Variants in SHANK2 observed in about 807,000 individuals in gnomAD.
SHANK2 encodes SH3 and multiple ankyrin repeat domains 2.
In SHANK2, 43 loss-of-function variants were observed where a neutral mutation model predicts 133.7. The ratio of observed to expected loss-of-function variants is 0.32; its 90% CI spans 0.25 to 0.41. The LOEUF (loss-of-function observed/expected upper bound fraction) is 0.41. Among genes scored for constraint, SHANK2 ranks in the 10% least tolerant of loss-of-function variants. The pLI, the probability that SHANK2 is intolerant of heterozygous loss-of-function variation, is 1.00. For synonymous variants in SHANK2, 1,017 were observed against 952.8 expected, an observed-to-expected ratio of 1.07 and a Z score of -1.24; for missense variants, 1,994 against 2,235.8, an observed-to-expected ratio of 0.89 and a Z score of 2.18.
intron 14 of SHANK2, among the ~76,000 whole-genome samples, chr11:70,729,917 A>T (rs1446107960): frequency 6.8e-6 from 1 of 146,992 alleles, no homozygotes; most frequent in African/African-American, 2.5e-5. Flanking sequence ...AAAAAAAAAA[A>T]GCCGATAGGT....
intron 8 of SHANK2, among the ~76,000 whole-genome samples, chr11:71,084,259 C>T (rs963740619): frequency 6.6e-6 from 1 of 152,304 alleles, no homozygotes; most frequent in East Asian, 1.9e-4. Context: ...GCATAAGCCA[C>T]CGCACCCGGC....
At chr11:70,923,417 A>G (rs532833567) in intron 10 of SHANK2, among the ~76,000 whole-genome samples, 2 of 152,042 alleles carry the variant, frequency 1.3e-5, no homozygotes, top group African/African-American at 4.8e-5. Context: ...TAATTTTTGT[A>G]TCTTTAGTAG....
intron 17 of SHANK2, among the ~76,000 whole-genome samples, chr11:70,648,116 A>G (rs1367107145): frequency 6.6e-6 from 1 of 152,226 alleles, no homozygotes; most frequent in Non-Finnish European, 1.5e-5. Flanking sequence ...ATACGGATGA[A>G]CCTAAAGCAC....
intron 15 of SHANK2, among the ~76,000 whole-genome samples, chr11:70,682,355 C>G (rs1018763672): frequency 6.6e-6 from 1 of 152,166 alleles, no homozygotes; most frequent in East Asian, 1.9e-4. Context: ...TGGCGGAGCC[C>G]GCTGTGCCCC....
At chr11:70,910,915 C>T (rs563889378) in intron 10 of SHANK2, 41 of 447,790 alleles carry the variant, frequency 9.2e-5, no homozygotes, top group East Asian at 2.8e-4. Flanking sequence ...TGTGTGTGTG[C>T]GCGTGCATGT....
chr11:70,505,353 G>C (rs1048377033), intron 17 of SHANK2, among the ~76,000 whole-genome samples: 1 of 152,172 alleles, frequency 6.6e-6, no homozygotes, highest in South Asian at 2.1e-4. Context: ...ACACACGTGG[G>C]GGGGCACCGA....
intron 17 of SHANK2, among the ~76,000 whole-genome samples, chr11:70,649,611 C>T (rs2061315854): frequency 6.6e-6 from 1 of 152,102 alleles, no homozygotes; most frequent in Admixed American, 6.5e-5. Flanking sequence ...CTGCTGAGAA[C>T]ACTGGGAGGT....
At chr11:70,605,971 A>G (rs1007145169) in intron 17 of SHANK2, among the ~76,000 whole-genome samples, 5 of 152,134 alleles carry the variant, frequency 3.3e-5, no homozygotes, top group African/African-American at 1.2e-4. Context: ...TGGGGTAAAA[A>G]GATGGCATGA....
chr11:71,166,174 G>A (rs1305518304), intron 2 of SHANK2, among the ~76,000 whole-genome samples: 1 of 152,164 alleles, frequency 6.6e-6, no homozygotes, highest in Non-Finnish European at 1.5e-5. Context: ...ACCAAAGCAG[G>A]TGCCGTCCAG....
chr11:70,544,135 C>T (rs1469574564), intron 17 of SHANK2, among the ~76,000 whole-genome samples: 2 of 152,166 alleles, frequency 1.3e-5, no homozygotes, highest in African/African-American at 2.4e-5. Flanking sequence ...GAAAACCCAA[C>T]CCTGACCTCC....
At chr11:70,844,187 AGGCACC>A (rs1366674224) in intron 11 of SHANK2, among the ~76,000 whole-genome samples, 3 of 152,184 alleles carry the variant, frequency 2.0e-5, no homozygotes, top group East Asian at 1.9e-4. Flanking sequence ...TCCCTGCCAC[AGGCACC>A]CCTACAACAT....
chr11:70,523,892 C>T (rs1056861000), intron 17 of SHANK2, among the ~76,000 whole-genome samples: 1 of 152,154 alleles, frequency 6.6e-6, no homozygotes, highest in Non-Finnish European at 1.5e-5. Context: ...TTCAGCTGTC[C>T]TCCCTCCCCT....
At position 70,485,224 on chromosome 11, in the gene SHANK2, G is replaced by T; in HGVS notation, c.4979+90C>A. ...AGGCTTTACGAATTCCCCTCTTCGT[G>T]TCCGCTGGGGCTGCTACCCGAGGGC... On this transcript the variant is annotated intron_variant, in intron 25 of 25. Coordinates refer to ENST00000601538, the MANE Select transcript of SHANK2 (RefSeq NM_012309.5). The surrounding 1 kb of genome is among the most constrained non-coding windows in gnomAD (Gnocchi z 5.8). 1 of 1,110,120 alleles carries T rather than the reference G, an allele frequency of 9.0e-7. No individual in the cohort carries two copies. Among genetic ancestry groups the T allele is most frequent in the Non-Finnish European group, 1.4e-6 (1 of 733,582 alleles). The allele number at this position is 1,110,120 out of a possible 1,614,324, so 68.8% of individuals were successfully genotyped here.
At chr11:70,868,067 C>G (rs1471672057) in intron 11 of SHANK2, among the ~76,000 whole-genome samples, 1 of 152,256 alleles carries the variant, frequency 6.6e-6, no homozygotes, top group African/African-American at 2.4e-5. Flanking sequence ...ACCAAGGGCC[C>G]GGCGCTGGCA....
At position 71,061,591 on chromosome 11, in the gene SHANK2, C is replaced by G. The variant is rs1411290296; in HGVS notation, c.1030-5033G>C. Among the ~76,000 whole-genome samples, 3 of 152,150 alleles carry G rather than the reference C, an allele frequency of 2.0e-5. 1 individual carries two copies. The highest frequency in any genetic ancestry group is 4.4e-5 in the Non-Finnish European group (3 of 68,030). On this transcript the variant is annotated intron_variant, in intron 9 of 25. Coordinates refer to ENST00000601538, the MANE Select transcript of SHANK2 (RefSeq NM_012309.5). ...CACTGTCAATGACACAGGTGGGGGT[C>G]TCCTTCCACCCCCAGCAATGCCCTT...
chr11:71,082,412 C>T (rs930535055), intron 8 of SHANK2, among the ~76,000 whole-genome samples: 2 of 152,196 alleles, frequency 1.3e-5, no homozygotes, highest in Admixed American at 6.5e-5. Context: ...CACCTGGACA[C>T]GGTGGGTACC....
chr11:70,605,948 T>C lies in SHANK2; in HGVS notation c.2061+53880A>G, dbSNP rs938214453. 7.5e-4 allele frequency among the ~76,000 whole-genome samples: 112 copies of C among 149,890 alleles called. 1 individual carries two copies. Among genetic ancestry groups the C allele is most frequent in the African/African-American group, 2.6e-3 (105 of 40,642 alleles). On this transcript the variant is annotated intron_variant, in intron 17 of 25. Coordinates refer to ENST00000601538, the MANE Select transcript of SHANK2 (RefSeq NM_012309.5). ...TGACCCTTCTAGAACAACCTATTATTCCCCCCCCTCCTTGGGGTAAAAAGA... is the reference window on the plus strand; with the variant it reads ...TGACCCTTCTAGAACAACCTATTATCCCCCCCCCTCCTTGGGGTAAAAAGA...
At chr11:70,850,386 C>T (rs1949066894) in intron 11 of SHANK2, among the ~76,000 whole-genome samples, 1 of 152,150 alleles carries the variant, frequency 6.6e-6, no homozygotes, top group Admixed American at 6.5e-5. Flanking sequence ...TGCATTTTTT[C>T]AAGCAACTGG....
intron 10 of SHANK2, among the ~76,000 whole-genome samples, chr11:70,902,821 G>A (rs1950042474): frequency 6.6e-6 from 1 of 152,206 alleles, no homozygotes; most frequent in South Asian, 2.1e-4. Context: ...AAAGCAGATG[G>A]ACACCCCGCC....
Sources: allele counts gnomAD v4.1 joint callset (sites outside exome capture counted in the v4.1 genomes callset), GRCh38; gene constraint gnomAD v4.1.1; non-coding constraint Gnocchi (gnomAD v3.1); transcripts MANE v1.5; gene names NCBI Gene and HGNC (gene_info 2026-07-23, HGNC 2026-07-21).